RBM20: variants seen among roughly 807,000 people sequenced by gnomAD.
RBM20 encodes RNA binding motif protein 20.
A neutral mutation model predicts 110.1 loss-of-function variants in RBM20; 51 were observed. The ratio of observed to expected loss-of-function variants is 0.46; its 90% CI spans 0.37 to 0.59. The LOEUF (loss-of-function observed/expected upper bound fraction) is 0.59, where lower values mean the gene tolerates loss of function less well. RBM20 is among the 20% of genes least tolerant of loss of function. The probability of loss-of-function intolerance (pLI) is 0.00; values close to 1 mark genes in which losing one functional copy is unlikely to be tolerated. For synonymous variants in RBM20, 589 were observed against 618.2 expected (o/e 0.95, Z 0.70); for missense variants, 1,512 against 1,574.9 (o/e 0.96, Z 0.68).
chr10:110,693,512 C>A (rs1564817345), intron 1 of RBM20, among the ~76,000 whole-genome samples: 1 of 152,040 alleles, frequency 6.6e-6, no homozygotes, highest in Non-Finnish European at 1.5e-5. Flanking sequence ...TCTAGGCATT[C>A]GTCCATTTCA....
chr10:110,770,495 T>C (rs1341510182), intron 1 of RBM20, among the ~76,000 whole-genome samples: 4 of 152,230 alleles, frequency 2.6e-5, no homozygotes. Context: ...TGTAGAGTTA[T>C]TGGTGACAGA....
intron 1 of RBM20, among the ~76,000 whole-genome samples, chr10:110,779,737 G>A: frequency 6.6e-6 from 1 of 152,206 alleles, no homozygotes; most frequent in East Asian, 1.9e-4. Context: ...TGCTTGGTGT[G>A]TGGAGAAAAC....
chr10:110,735,865 G>C (rs1356515866), intron 1 of RBM20, among the ~76,000 whole-genome samples: 2 of 152,196 alleles, frequency 1.3e-5, no homozygotes, highest in East Asian at 3.8e-4. Flanking sequence ...TATTTGTTCA[G>C]GATTGCTGAT....
At chr10:110,800,852 T>C (rs1006639970) in intron 7 of RBM20, among the ~76,000 whole-genome samples, 4 of 152,256 alleles carry the variant, frequency 2.6e-5, no homozygotes, top group South Asian at 4.1e-4. Context: ...TTGTTGGGCA[T>C]GTCTATTTAT....
At chr10:110,786,737 T>A (rs1221748950) in intron 5 of RBM20, among the ~76,000 whole-genome samples, 1 of 152,238 alleles carries the variant, frequency 6.6e-6, no homozygotes, top group Admixed American at 6.5e-5. Flanking sequence ...GTGTGGGCCA[T>A]GGAGGCACCT....
chr10:110,821,667 C>A lies in RBM20; in HGVS notation c.3048C>A (p.Gly1016=). The change falls in exon 11 of 14, where the codon GGC becomes GGA. Residue 1016 remains glycine (G), a synonymous_variant. Transcript: ENST00000369519. The part of the protein sequence containing the change: ...AERKPAESET[G]LSLEDSDCYE... ...GGAAGCCAGCTGAAAGTGAGACAGG[C>A]CTCTCCCTGGAGGATTCAGATTGCT... is the stretch of plus-strand genomic sequence containing the variant. The A allele has an allele frequency of 6.4e-7, 1 of 1,551,780 alleles. No homozygotes were observed. The highest frequency in any genetic ancestry group is 8.7e-7 in the Non-Finnish European group (1 of 1,147,022).
chr10:110,807,406 G>A (rs1844708110), intron 7 of RBM20, among the ~76,000 whole-genome samples: 1 of 152,230 alleles, frequency 6.6e-6, no homozygotes, highest in African/African-American at 2.4e-5. Flanking sequence ...TTTGACCCCT[G>A]GGAAACTGCA....
intron 1 of RBM20, among the ~76,000 whole-genome samples, chr10:110,764,394 A>C (rs1449989681): frequency 6.6e-6 from 1 of 152,250 alleles, no homozygotes; most frequent in Non-Finnish European, 1.5e-5. Context: ...GATCAGACCT[A>C]GATCCCTTCT....
At chr10:110,792,089 C>T (rs546460566) in intron 5 of RBM20, among the ~76,000 whole-genome samples, 1 of 152,182 alleles carries the variant, frequency 6.6e-6, no homozygotes. Flanking sequence ...TTTCACTACT[C>T]CTTTATATTT....
intron 1 of RBM20, among the ~76,000 whole-genome samples, chr10:110,719,446 C>T (rs1466475026): frequency 6.6e-6 from 1 of 152,214 alleles, no homozygotes; most frequent in African/African-American, 2.4e-5. Flanking sequence ...ATTCCTAATT[C>T]CTAACAGGTC....
At chr10:110,787,348 T>C (rs543782733) in intron 5 of RBM20, among the ~76,000 whole-genome samples, 145 of 152,304 alleles carry the variant, frequency 9.5e-4, no homozygotes, top group Non-Finnish European at 1.7e-3. Flanking sequence ...GATGAGATAA[T>C]ATCAGGGACA....
chr10:110,797,392 T>C, intron 5 of RBM20, 116 bp from the exon 6 acceptor site: 1 of 1,065,702 alleles, frequency 9.4e-7, no homozygotes, highest in Admixed American at 3.2e-5. Flanking sequence ...ATTAATTTTG[T>C]AAATTATAGT....
chr10:110,746,105 C>T (rs1843776833), intron 1 of RBM20, among the ~76,000 whole-genome samples: 1 of 152,110 alleles, frequency 6.6e-6, no homozygotes, highest in African/African-American at 2.4e-5. Context: ...AATTCATATG[C>T]GTGGGACCTC....
chr10:110,835,717 C>T (rs565477854), intron 13 of RBM20, 151 bp from the exon 14 acceptor site: 25 of 620,566 alleles, frequency 4.0e-5, no homozygotes, highest in Middle Eastern at 5.3e-4. Context: ...TCTGTAGCCC[C>T]AGTGGGGATC....
At chr10:110,680,684 G>T (rs1242580135) in intron 1 of RBM20, among the ~76,000 whole-genome samples, 3 of 152,172 alleles carry the variant, frequency 2.0e-5, no homozygotes, top group Non-Finnish European at 4.4e-5. Context: ...GTGCACGCCT[G>T]GGGGAGGCTG....
upstream of RBM20, among the ~76,000 whole-genome samples, chr10:110,643,996 C>T (rs974762515): frequency 1.3e-5 from 2 of 152,196 alleles, no homozygotes; most frequent in African/African-American, 4.8e-5. Flanking sequence ...CTCAGGGCTC[C>T]CGGGTGGAGC....
chr10:110,667,808 C>T (rs2134834723), intron 1 of RBM20, among the ~76,000 whole-genome samples: 1 of 152,272 alleles, frequency 6.6e-6, no homozygotes, highest in East Asian at 1.9e-4. Context: ...ACAAAGCCAT[C>T]CAGTGTGGCC....
chr10:110,793,129 G>A (rs370307253), intron 5 of RBM20, among the ~76,000 whole-genome samples: 8 of 152,166 alleles, frequency 5.3e-5, no homozygotes, highest in African/African-American at 9.7e-5. Context: ...CGTTCCAGAC[G>A]TGGGGAAACT....
chr10:110,656,839 T>C (rs1435774196), intron 1 of RBM20, among the ~76,000 whole-genome samples: 1 of 152,226 alleles, frequency 6.6e-6, no homozygotes, highest in African/African-American at 2.4e-5. Flanking sequence ...CTCCATTGTA[T>C]AGGTACCGAA....
Sources: gnomAD v4.1 joint callset for allele counts (sites outside exome capture counted in the v4.1 genomes callset) on GRCh38, gnomAD v4.1.1 for gene constraint, MANE v1.5 for transcripts, NCBI Gene and HGNC (gene_info 2026-07-23, HGNC 2026-07-21) for gene names.